Variants in ARHGEF28 observed in about 807,000 individuals in gnomAD.
The protein encoded by ARHGEF28 is 190 kDa guanine nucleotide exchange factor.
A neutral mutation model predicts 206.6 loss-of-function variants in ARHGEF28; 152 were observed. The observed-to-expected ratio is 0.74, with a 90% CI of 0.64 to 0.84. The LOEUF (loss-of-function observed/expected upper bound fraction) is 0.84, where lower values mean the gene tolerates loss of function less well. Ranked by LOEUF, ARHGEF28 falls within the 40% of genes least tolerant of loss-of-function variation. The pLI is 0.00. For missense variants in ARHGEF28, 2,028 were observed against 2,073.2 expected, an observed-to-expected ratio of 0.98 and a Z score of 0.42; for synonymous variants, 763 against 776.4, an observed-to-expected ratio of 0.98 and a Z score of 0.29.
intron 1 of ARHGEF28, among the ~76,000 whole-genome samples, chr5:73,658,989 A>G (rs1396389854): frequency 6.6e-6 from 1 of 150,656 alleles, no homozygotes; most frequent in East Asian, 1.9e-4. Context: ...ACACACACAC[A>G]CACACACACA....
At chr5:73,627,810 T>A (rs563337446) in intron 1 of ARHGEF28, among the ~76,000 whole-genome samples, 1 of 152,294 alleles carries the variant, frequency 6.6e-6, no homozygotes, top group East Asian at 1.9e-4. Flanking sequence ...GAGCTAGCTA[T>A]AGAGTGTGTG....
chr5:73,882,781 A>T (rs1207980299), intron 23 of ARHGEF28, among the ~76,000 whole-genome samples, 187 bp downstream of exon 23: 1 of 152,174 alleles, frequency 6.6e-6, no homozygotes, highest in Non-Finnish European at 1.5e-5. Context: ...ATTGCCCCCA[A>T]ATCATTTCCT....
intron 9 of ARHGEF28, among the ~76,000 whole-genome samples, chr5:73,816,326 T>C (rs79259830): frequency 6.6e-6 from 1 of 152,316 alleles, no homozygotes; most frequent in East Asian, 1.9e-4. Context: ...CAGGATATCA[T>C]AAGTATTTTT....
At chr5:73,830,989 C>A (rs536502525) in intron 9 of ARHGEF28, among the ~76,000 whole-genome samples, 18 of 152,270 alleles carry the variant, frequency 1.2e-4, no homozygotes, top group Admixed American at 3.3e-4. Flanking sequence ...ATAGGTATAA[C>A]ATTGACTCTG....
At chr5:73,639,228 CATATATATATATATATA>C (rs1167158222) in intron 1 of ARHGEF28, among the ~76,000 whole-genome samples, 3 of 145,070 alleles carry the variant, frequency 2.1e-5, no homozygotes, top group Non-Finnish European at 4.5e-5. Flanking sequence ...TTTTCTATTA[CATATATATATATATATA>C]ATATATATAC....
At chr5:73,639,233 A>ATT (rs1424733558) in intron 1 of ARHGEF28, among the ~76,000 whole-genome samples, 1 of 147,582 alleles carries the variant, frequency 6.8e-6, no homozygotes, top group Non-Finnish European at 1.5e-5. Context: ...TATTACATAT[A>ATT]TATATATATA....
chr5:73,718,587 G>A (rs771121453), intron 2 of ARHGEF28, among the ~76,000 whole-genome samples: 1 of 151,892 alleles, frequency 6.6e-6, no homozygotes. Flanking sequence ...CGGTACGTTG[G>A]TCTCTTTCAG....
intron 4 of ARHGEF28, 84 bp downstream of exon 4, chr5:73,753,286 G>A (rs774542887): frequency 1.2e-4 from 170 of 1,390,950 alleles, no homozygotes; most frequent in Middle Eastern, 2.3e-4. Context: ...TGTTCCCCTC[G>A]GCAGGTTTTC....
chr5:73,711,055 A>G (rs1025069832), intron 2 of ARHGEF28, among the ~76,000 whole-genome samples: 17 of 152,142 alleles, frequency 1.1e-4, no homozygotes, highest in Non-Finnish European at 2.2e-4. Flanking sequence ...TTTGGTGAAA[A>G]TATTGTCCTT....
chr5:73,825,586 A>G (rs572138089), intron 9 of ARHGEF28, among the ~76,000 whole-genome samples: 1 of 152,306 alleles, frequency 6.6e-6, no homozygotes, highest in Admixed American at 6.5e-5. Flanking sequence ...TCCTTTGTCT[A>G]TCCTGTGGCG....
intron 5 of ARHGEF28, among the ~76,000 whole-genome samples, chr5:73,775,492 C>T (rs1753487978): frequency 6.6e-6 from 1 of 152,106 alleles, no homozygotes; most frequent in African/African-American, 2.4e-5. Flanking sequence ...TTGGAGAGGT[C>T]CCCCAAGACT....
intron 1 of ARHGEF28, among the ~76,000 whole-genome samples, chr5:73,654,246 C>A (rs1008591511): frequency 1.3e-5 from 2 of 152,112 alleles, no homozygotes; most frequent in African/African-American, 4.8e-5. Flanking sequence ...GAAGGGAGAT[C>A]CAGGTGCTAG....
At chr5:73,673,463 A>G (rs1448714033) in intron 1 of ARHGEF28, among the ~76,000 whole-genome samples, 7 of 152,170 alleles carry the variant, frequency 4.6e-5, no homozygotes, top group Admixed American at 4.6e-4. Context: ...TTTATGTCTT[A>G]CATTTATTTG....
intron 5 of ARHGEF28, among the ~76,000 whole-genome samples, chr5:73,775,424 A>T (rs1163272934): frequency 6.6e-6 from 1 of 152,146 alleles, no homozygotes; most frequent in Non-Finnish European, 1.5e-5. Context: ...TGTTATTGGC[A>T]TGGGGAGTTG....
At chr5:73,785,379 C>T (rs1754101140) in intron 7 of ARHGEF28, among the ~76,000 whole-genome samples, 1 of 152,180 alleles carries the variant, frequency 6.6e-6, no homozygotes, top group Admixed American at 6.5e-5. Flanking sequence ...TGTTGTTCTT[C>T]CTCAACTCTG....
At chr5:73,923,114 C>T (rs560345166) in intron 35 of ARHGEF28, 16 of 1,535,778 alleles carry the variant, frequency 1.0e-5, no homozygotes, top group South Asian at 9.5e-5. Flanking sequence ...TGCAGTTGTA[C>T]GTTGACATCT....
In ARHGEF28 at chr5:73,868,113, G is replaced by T; in HGVS notation, c.2311G>T (p.Ala771Ser). ...GTTLESFRRS[A>S]TSLESESDHN... ...CCTCTCTCCTAGCTTCAGGAGGTCA[G>T]CCACATCCTTGGAGTCTGAGAGTGA... The change falls in exon 20 of 36, where the codon GCC (alanine) becomes TCC (serine). Residue 771 changes from alanine (A) to serine (S), a missense_variant. Transcript: ENST00000513042. 1 of 1,612,028 alleles carries T rather than the reference G, an allele frequency of 6.2e-7. No homozygotes were observed. Among genetic ancestry groups the T allele is most frequent in the Non-Finnish European group, 8.5e-7 (1 of 1,179,082 alleles).
chr5:73,757,724 A>G (rs747400262), intron 4 of ARHGEF28, among the ~76,000 whole-genome samples: 1 of 152,224 alleles, frequency 6.6e-6, no homozygotes, highest in African/African-American at 2.4e-5. Flanking sequence ...CATAAATAAA[A>G]TTGGATTTCT....
chr5:73,747,150 T>C (rs1751762846), intron 2 of ARHGEF28, among the ~76,000 whole-genome samples: 1 of 152,198 alleles, frequency 6.6e-6, no homozygotes, highest in South Asian at 2.1e-4. Context: ...ATTGTTTCTA[T>C]GTAGAAGCAG....
Sources: gnomAD v4.1 joint callset for allele counts (sites outside exome capture counted in the v4.1 genomes callset) on GRCh38, gnomAD v4.1.1 for gene constraint, MANE v1.5 for transcripts, NCBI Gene and HGNC (gene_info 2026-07-23, HGNC 2026-07-21) for gene names.